The following CYTH4 variants were observed in gnomAD, a reference collection of about 807,000 sequenced individuals.
CYTH4 encodes the protein cytohesin 4.
A neutral mutation model predicts 57.5 loss-of-function variants in CYTH4; 22 were observed. The ratio of observed to expected loss-of-function variants is 0.38; its 90% CI spans 0.27 to 0.55. The LOEUF is 0.55. Among genes scored for constraint, CYTH4 ranks in the 20% least tolerant of loss-of-function variants. CYTH4 has a pLI of 0.74. For missense variants in CYTH4, 420 were observed against 535.6 expected, an observed-to-expected ratio of 0.78 and a Z score of 2.13; for synonymous variants, 186 against 206.5, an observed-to-expected ratio of 0.90 and a Z score of 0.85.
Position 37,314,172 on chromosome 22 carries a change from C to T in CYTH4, c.*661C>T. The T allele has an allele frequency of 2.5e-6, 1 of 393,964 alleles. No homozygotes were observed. Among genetic ancestry groups the T allele is most frequent in the Non-Finnish European group, 4.5e-6 (1 of 223,638 alleles). 24.4% of individuals were successfully genotyped at this position (393,964 alleles called of 1,614,324 possible). On this transcript the variant is annotated 3_prime_UTR_variant, in exon 13 of 13. Transcript: ENST00000248901. ...AGTCATGCCCATTCTCTAGTTCTTGCAAAACTGCAGTGTTTGGACTAGAAA... is the reference window on the plus strand; with the variant it reads ...AGTCATGCCCATTCTCTAGTTCTTGTAAAACTGCAGTGTTTGGACTAGAAA...
Position 37,295,856 on chromosome 22 carries a change from G to A in CYTH4, c.168-143G>A. On this transcript the variant is annotated intron_variant, in intron 3 of 12. Coordinates refer to ENST00000248901, the MANE Select transcript of CYTH4 (RefSeq NM_013385.5). The surrounding 1 kb of genome is among the most constrained non-coding windows in gnomAD (Gnocchi z 4.1). Reference sequence around the variant, plus strand: ...GCCTTGCACTGCTCTCTCCCGCCCAGGTGGTTCCCATGCAGGACCCGGAGG... The same window carrying A: ...GCCTTGCACTGCTCTCTCCCGCCCAAGTGGTTCCCATGCAGGACCCGGAGG... 1 of 792,566 alleles carries A rather than the reference G, an allele frequency of 1.3e-6. No individual in the cohort carries two copies. The allele number at this position is 792,566 out of a possible 1,614,324, so 49.1% of individuals were successfully genotyped here.
intron 4 of CYTH4, among the ~76,000 whole-genome samples, 167 bp from the exon 5 acceptor site, chr22:37,297,397 C>A (rs575612484): frequency 6.6e-6 from 1 of 152,216 alleles, no homozygotes; most frequent in African/African-American, 2.4e-5. Context: ...CATCACCTCC[C>A]AAAGGCAGCT....
chr22:37,301,215 A>C (rs1323776930), intron 7 of CYTH4, among the ~76,000 whole-genome samples, 196 bp downstream of exon 7: 2 of 152,174 alleles, frequency 1.3e-5, no homozygotes, highest in African/African-American at 4.8e-5. Flanking sequence ...CACAGTTCTT[A>C]GGAGAGCAGT....
Position 37,314,223 on chromosome 22 carries a change from CTCCAGCT to C in CYTH4, c.*720_*726del, listed in dbSNP as rs1449360923. The C allele has an allele frequency of 2.5e-6, 1 of 397,752 alleles. No individual in the cohort carries two copies. The highest frequency in any genetic ancestry group is 3.6e-5 in the East Asian group (1 of 28,036). The allele number at this position is 397,752 out of a possible 1,614,324, so 24.6% of individuals were successfully genotyped here. ...CGTATTGGCCCCTGCTAGCCCTGTG[CTCCAGCT>C]TCCAGCTGGAGATGGCAGCCGTTGT... On this transcript the variant is annotated 3_prime_UTR_variant, in exon 13 of 13. Transcript: ENST00000248901.
chr22:37,294,212 G>A (rs1169605869), intron 2 of CYTH4, among the ~76,000 whole-genome samples: 68 of 120,708 alleles, frequency 5.6e-4, no homozygotes, highest in African/African-American at 1.8e-3. Flanking sequence ...GGAGGCGGGC[G>A]GGGGGTGCAG....
intron 9 of CYTH4, among the ~76,000 whole-genome samples, chr22:37,310,555 T>C (rs1601711977): frequency 6.6e-6 from 1 of 152,268 alleles, no homozygotes. Context: ...GGGTTAACAA[T>C]GGTCTCCTCT....
intron 2 of CYTH4, among the ~76,000 whole-genome samples, 164 bp from the exon 3 acceptor site, chr22:37,294,496 G>C (rs377604303): frequency 1.4e-4 from 21 of 152,198 alleles, no homozygotes; most frequent in Middle Eastern, 3.4e-3. Context: ...GAGGGGACCT[G>C]TCCATGGAGG....
At chr22:37,283,300 A>G (rs1432479765) in intron 1 of CYTH4, among the ~76,000 whole-genome samples, 1 of 152,176 alleles carries the variant, frequency 6.6e-6, no homozygotes, top group Non-Finnish European at 1.5e-5. Flanking sequence ...AAAGATGGTG[A>G]GGAAAAGAAC....
chr22:37,299,571 A>C (rs1929108377), intron 6 of CYTH4, among the ~76,000 whole-genome samples: 1 of 152,170 alleles, frequency 6.6e-6, no homozygotes, highest in African/African-American at 2.4e-5. Flanking sequence ...TCTAATCATT[A>C]TTACTTTATT....
rs1437120197 is a variant in CYTH4 at position 37,295,534 on chromosome 22, AG to A, written c.168-463del. Among the ~76,000 whole-genome samples, 360 of 152,282 alleles carry A rather than the reference AG, an allele frequency of 2.4e-3. No individual in the cohort carries two copies. Among genetic ancestry groups the A allele is most frequent in the Non-Finnish European group, 3.3e-3 (226 of 68,018 alleles). ...TAACACACCTACGCCTCACTGTTTT[AG>A]GTGCTTTAACCTCTCAACAATGCTG... On this transcript the variant is annotated intron_variant, in intron 3 of 12. Coordinates refer to ENST00000248901, the MANE Select transcript of CYTH4 (RefSeq NM_013385.5). The surrounding 1 kb of genome is among the most constrained non-coding windows in gnomAD (Gnocchi z 4.1).
intron 8 of CYTH4, among the ~76,000 whole-genome samples, chr22:37,306,650 G>A (rs913764277): frequency 2.0e-5 from 3 of 152,230 alleles, no homozygotes; most frequent in African/African-American, 7.2e-5. Flanking sequence ...AGATCGATCT[G>A]CCTTCAGAAA....
intron 9 of CYTH4, 55 bp from the exon 10 acceptor site, chr22:37,310,933 G>T: frequency 6.3e-7 from 1 of 1,589,876 alleles, no homozygotes. Context: ...CCCTGGAGGA[G>T]GTGTCAGTGG....
chr22:37,307,455 C>T (rs891663284), intron 8 of CYTH4, among the ~76,000 whole-genome samples: 2 of 152,136 alleles, frequency 1.3e-5, no homozygotes, highest in African/African-American at 4.8e-5. Flanking sequence ...CGGGGATGCA[C>T]GTAGGGGCTT....
At chr22:37,286,422 G>T (rs186118011) in intron 1 of CYTH4, among the ~76,000 whole-genome samples, 21 of 152,288 alleles carry the variant, frequency 1.4e-4, no homozygotes, top group Non-Finnish European at 3.1e-4. Flanking sequence ...AATGAGAGTG[G>T]ATGGGAAGAG....
chr22:37,313,529 C>G lies in CYTH4; in HGVS notation c.*18C>G. The G allele has an allele frequency of 6.2e-7, 1 of 1,613,252 alleles. No homozygotes were observed. Among genetic ancestry groups the G allele is most frequent in the Non-Finnish European group, 8.5e-7 (1 of 1,179,126 alleles). ...AGCAGTGAGATTCCTGGAGGTGGCA[C>G]TGGGGGCTGGTCACCCTGAGAGTCC... On this transcript the variant is annotated 3_prime_UTR_variant, in exon 13 of 13. Coordinates refer to ENST00000248901, the MANE Select transcript of CYTH4 (RefSeq NM_013385.5).
chr22:37,306,661 T>A (rs968786825), intron 8 of CYTH4, among the ~76,000 whole-genome samples: 1 of 152,248 alleles, frequency 6.6e-6, no homozygotes, highest in East Asian at 1.9e-4. Flanking sequence ...CCTTCAGAAA[T>A]GCTGGCTTCA....
At position 37,295,997 on chromosome 22, in the gene CYTH4, A is replaced by G. The variant is rs1928949529; in HGVS notation, c.168-2A>G. On this transcript the variant is annotated splice_acceptor_variant, in intron 3 of 12. Coordinates refer to ENST00000248901, the MANE Select transcript of CYTH4 (RefSeq NM_013385.5). LOFTEE classifies it high-confidence loss of function. This position sits in a 1 kb window ranked among gnomAD's most constrained non-coding sequence, Gnocchi z 4.1. ...CCCAAGCTGACGTCCTCATGTCCAC[A>G]GCCGGATGGCCCAGAAGGAGAAGGA... 1.9e-6 allele frequency: 3 copies of G among 1,612,424 alleles called. No homozygotes were observed. The highest frequency in any genetic ancestry group is 1.3e-5 in the African/African-American group (1 of 74,922).
chr22:37,308,460 A>G (rs1929484515), intron 8 of CYTH4, among the ~76,000 whole-genome samples: 1 of 147,218 alleles, frequency 6.8e-6, no homozygotes, highest in Non-Finnish European at 1.5e-5. Flanking sequence ...GTGCATGTAT[A>G]TAAGTGTGTG....
At chr22:37,304,088 CGGCTGTCATTGCTCTGGG>C in intron 8 of CYTH4, 1 of 440,662 alleles carries the variant, frequency 2.3e-6, no homozygotes, top group South Asian at 1.6e-5. Context: ...GCTGTCACTG[CGGCTGTCATTGCTCTGGG>C]GGCAGGGAAG....
Sources: gnomAD v4.1 joint callset for allele counts (sites outside exome capture counted in the v4.1 genomes callset) on GRCh38, gnomAD v4.1.1 for gene constraint, Gnocchi (gnomAD v3.1) non-coding constraint, MANE v1.5 for transcripts, NCBI Gene and HGNC (gene_info 2026-07-23, HGNC 2026-07-21) for gene names.